ADAMTS3: variants seen among roughly 807,000 people sequenced by gnomAD.
ADAMTS3 encodes the protein A disintegrin and metalloproteinase with thrombospondin motifs 3.
A neutral mutation model predicts 129.0 loss-of-function variants in ADAMTS3; 73 were observed. That is an observed-to-expected ratio of 0.57 (90% CI 0.47 to 0.69). The LOEUF is 0.69. ADAMTS3 is among the 30% of genes least tolerant of loss of function. ADAMTS3 has a pLI of 0.00. For synonymous variants in ADAMTS3, 477 were observed against 510.8 expected, an observed-to-expected ratio of 0.93 and a Z score of 0.89; for missense variants, 1,457 against 1,514.5, an observed-to-expected ratio of 0.96 and a Z score of 0.63.
At position 72,550,442 on chromosome 4, in the gene ADAMTS3, T is replaced by C. The variant is rs1270923796; in HGVS notation, c.98-1558A>G. 8.5e-5 allele frequency among the ~76,000 whole-genome samples: 13 copies of C among 152,320 alleles called. No homozygotes were observed. In the South Asian group the frequency reaches 2.5e-3, roughly 29 times the overall value. On this transcript the variant is annotated intron_variant, in intron 2 of 21. Transcript: ENST00000286657. ...TTACTTGTGCAACATTTTAATTCTT[T>C]CTGTGCATGTTTGCTGTAATTATGC...
In ADAMTS3 at chr4:72,290,959, G is replaced by A. The variant is rs779052888; in HGVS notation, c.2827C>T (p.Arg943Cys). ...ATGCAGTATTTGCTGTGCACAGAGC[G>A]GTTGGTGCCATCAAGGAGTGGCTGA... ...CLQPLLDGTN[R>C]SVHSKYCMGD... is the part of the protein sequence containing the mutation. Residue 943 changes from arginine (R) to cysteine (C), a missense_variant, in exon 20 of 22, where the codon CGC (arginine) becomes TGC (cysteine). Transcript: ENST00000286657. The A allele has an allele frequency of 7.4e-6, 12 of 1,614,036 alleles. No individual in the cohort carries two copies. Among genetic ancestry groups the A allele is most frequent in the Admixed American group, 1.7e-5 (1 of 60,012 alleles).
intron 4 of ADAMTS3, among the ~76,000 whole-genome samples, chr4:72,377,659 T>C (rs372694540): frequency 1.3e-5 from 2 of 152,196 alleles, no homozygotes; most frequent in East Asian, 1.9e-4. Context: ...CATGACATAG[T>C]TCCGTTGCCA....
chr4:72,305,879 C>G (rs771731988), intron 16 of ADAMTS3, 108 bp downstream of exon 16: 9 of 891,910 alleles, frequency 1.0e-5, no homozygotes, highest in Non-Finnish European at 1.6e-5. Context: ...TGTACATATA[C>G]GTATGCACAT....
chr4:72,356,056 A>C (rs1255772334), intron 4 of ADAMTS3, among the ~76,000 whole-genome samples: 1 of 152,046 alleles, frequency 6.6e-6, no homozygotes, highest in East Asian at 1.9e-4. Context: ...AAAAAGGGAA[A>C]ACATGTCAAA....
chr4:72,324,635 T>C (rs1269115378), intron 5 of ADAMTS3, among the ~76,000 whole-genome samples: 1 of 152,144 alleles, frequency 6.6e-6, no homozygotes, highest in East Asian at 1.9e-4. Flanking sequence ...TTAATACCTG[T>C]ACGAGATAAG....
At chr4:72,452,404 T>C (rs1718430444) in intron 3 of ADAMTS3, among the ~76,000 whole-genome samples, 1 of 151,718 alleles carries the variant, frequency 6.6e-6, no homozygotes, top group Non-Finnish European at 1.5e-5. Context: ...TTTTCTTTCT[T>C]ATAAACAAAA....
At chr4:72,374,227 T>C (rs1041029621) in intron 4 of ADAMTS3, among the ~76,000 whole-genome samples, 6 of 151,896 alleles carry the variant, frequency 4.0e-5, no homozygotes, top group Non-Finnish European at 7.4e-5. Context: ...ATTAAAAACA[T>C]GTATTTAATT....
At chr4:72,477,095 C>G (rs888124874) in intron 3 of ADAMTS3, among the ~76,000 whole-genome samples, 11 of 152,040 alleles carry the variant, frequency 7.2e-5, no homozygotes, top group Non-Finnish European at 1.0e-4. Flanking sequence ...GTAAAAGACT[C>G]AAGACTTTCA....
intron 4 of ADAMTS3, among the ~76,000 whole-genome samples, chr4:72,364,412 C>T (rs935260537): frequency 2.0e-5 from 3 of 151,914 alleles, no homozygotes; most frequent in East Asian, 1.9e-4. Flanking sequence ...GTCAAGAGTT[C>T]GAGACCAGCC....
At chr4:72,461,905 C>T (rs1718781016) in intron 3 of ADAMTS3, among the ~76,000 whole-genome samples, 1 of 151,830 alleles carries the variant, frequency 6.6e-6, no homozygotes, top group South Asian at 2.1e-4. Context: ...ATCTGAGAAA[C>T]AATCATTTCC....
At chr4:72,284,456 A>AAAAATTCTCCAGTTTG (rs1409692836) in intron 21 of ADAMTS3, among the ~76,000 whole-genome samples, 17 of 152,102 alleles carry the variant, frequency 1.1e-4, no homozygotes, top group Non-Finnish European at 1.8e-4. Flanking sequence ...AAAAAAAAAA[A>AAAAATTCTCCAGTTTG]AAAAATTCTC....
chr4:72,505,193 C>A (rs1264629027), intron 3 of ADAMTS3, among the ~76,000 whole-genome samples: 1 of 152,090 alleles, frequency 6.6e-6, no homozygotes, highest in Non-Finnish European at 1.5e-5. Context: ...GCTGGCAATT[C>A]TAATTTTTAT....
intron 4 of ADAMTS3, among the ~76,000 whole-genome samples, chr4:72,377,259 G>A (rs1441562151): frequency 6.6e-6 from 1 of 152,106 alleles, no homozygotes; most frequent in Non-Finnish European, 1.5e-5. Context: ...GGATGGAATT[G>A]TTGCTAGCTC....
At chr4:72,482,291 T>C (rs1183523169) in intron 3 of ADAMTS3, among the ~76,000 whole-genome samples, 1 of 151,984 alleles carries the variant, frequency 6.6e-6, no homozygotes, top group Non-Finnish European at 1.5e-5. Context: ...AAATAAAGTA[T>C]GATACATCCA....
chr4:72,488,646 A>G (rs1002114148), intron 3 of ADAMTS3, among the ~76,000 whole-genome samples: 24 of 151,974 alleles, frequency 1.6e-4, no homozygotes, highest in African/African-American at 5.8e-4. Context: ...TTCAAGATTT[A>G]CTATTTATAA....
At chr4:72,344,332 A>G (rs146216598) in intron 4 of ADAMTS3, among the ~76,000 whole-genome samples, 1,967 of 152,238 alleles carry the variant, frequency 0.013, 26 homozygotes, top group Non-Finnish European at 0.019. Flanking sequence ...CCTACCCCAG[A>G]AAAAAATTTC....
chr4:72,305,777 A>G (rs1044977522), intron 16 of ADAMTS3, among the ~76,000 whole-genome samples: 3 of 151,756 alleles, frequency 2.0e-5, no homozygotes, highest in African/African-American at 7.3e-5. Flanking sequence ...ACATATACAC[A>G]TGCACATGTA....
At chr4:72,473,057 A>AAATTAACAAAATT (rs1553917247) in intron 3 of ADAMTS3, among the ~76,000 whole-genome samples, 1 of 152,288 alleles carries the variant, frequency 6.6e-6, no homozygotes, top group Admixed American at 6.5e-5. Flanking sequence ...AATATTAACA[A>AAATTAACAAAATT]AACAAACGAT....
In ADAMTS3 at chr4:72,311,155, G is replaced by A. The variant is rs763254551; in HGVS notation, c.1948C>T (p.Gln650Ter). ...DPKKRCHLYC[Q>*]SKETGDVAYM... ...GCAACATCTCCAGTCTCCTTGGACTGACAGTAAAGGTGGCATCTTTTCTTG... is the reference window on the plus strand; with the variant it reads ...GCAACATCTCCAGTCTCCTTGGACTAACAGTAAAGGTGGCATCTTTTCTTG... The change falls in exon 14 of 22, where the codon CAG becomes TAG. Residue 650 changes from glutamine (Q) to a stop codon, truncating the protein, a stop_gained. Coordinates refer to ENST00000286657, the MANE Select transcript of ADAMTS3 (RefSeq NM_014243.3). LOFTEE classifies it high-confidence loss of function. The A allele has an allele frequency of 6.2e-7, 1 of 1,611,182 alleles. No individual in the cohort carries two copies. The highest frequency in any genetic ancestry group is 1.7e-5 in the Admixed American group (1 of 59,814).
Sources: gnomAD v4.1 joint callset for allele counts (sites outside exome capture counted in the v4.1 genomes callset) on GRCh38, gnomAD v4.1.1 for gene constraint, MANE v1.5 for transcripts, NCBI Gene and HGNC (gene_info 2026-07-23, HGNC 2026-07-21) for gene names.